Variants in ADGRB1 observed in about 807,000 individuals in gnomAD.
The protein encoded by ADGRB1 is brain-specific angiogenesis inhibitor 1.
Under a neutral mutation model 175.7 loss-of-function variants are expected in ADGRB1, and 36 were observed. The observed-to-expected ratio is 0.20, with a 90% CI of 0.16 to 0.27. The LOEUF (loss-of-function observed/expected upper bound fraction) is 0.27. ADGRB1 is among the 10% of genes least tolerant of loss of function. The probability of loss-of-function intolerance (pLI) is 1.00; values close to 1 mark genes in which losing one functional copy is unlikely to be tolerated. For missense variants in ADGRB1, 1,731 were observed against 2,255.3 expected (o/e 0.77, Z 4.71); for synonymous variants, 1,054 against 979.4 (o/e 1.08, Z -1.42).
intron 24 of ADGRB1, among the ~76,000 whole-genome samples, chr8:142,532,351 C>CT (rs1844671428): frequency 6.6e-6 from 1 of 152,208 alleles, no homozygotes; most frequent in African/African-American, 2.4e-5. Flanking sequence ...GGCTCAGAGG[C>CT]CACGCGCGGA....
rs753070384 is a variant in ADGRB1 at position 142,541,942 on chromosome 8, G to A, written c.3708G>A (p.Val1236=). The A allele has an allele frequency of 6.5e-7, 1 of 1,547,260 alleles. No individual in the cohort carries two copies. The highest frequency in any genetic ancestry group is 1.2e-5 in the South Asian group (1 of 84,504). Residue 1236 remains valine (V), a splice_region_variant and synonymous_variant, in exon 28 of 31, where the codon GTG becomes GTA. Coordinates refer to ENST00000517894, the MANE Select transcript of ADGRB1 (RefSeq NM_001702.3). ...CTGTCTCCCCCGCGGCCCCTGCAGT[G>A]CTGAACAAGGACATCGCGGCCTGCC... ...EKDVDLACRS[V]LNKDIAACRT...
chr8:142,515,721 G>T (rs892715910), intron 18 of ADGRB1, among the ~76,000 whole-genome samples: 1 of 152,068 alleles, frequency 6.6e-6, no homozygotes, highest in Admixed American at 6.5e-5. Context: ...GATGAGCCAG[G>T]CTGGGAGGGA....
chr8:142,471,053 C>T (rs567831827), intron 2 of ADGRB1, among the ~76,000 whole-genome samples: 1 of 152,182 alleles, frequency 6.6e-6, no homozygotes, highest in South Asian at 2.1e-4. Context: ...TGACAGGGAG[C>T]ACCGAGGGGC....
intron 1 of ADGRB1, among the ~76,000 whole-genome samples, chr8:142,460,443 C>T (rs1263011230): frequency 1.3e-5 from 2 of 152,206 alleles, no homozygotes; most frequent in African/African-American, 4.8e-5. Context: ...GCCAATATGG[C>T]CTCTCCCAAG....
chr8:142,456,331 A>G (rs1374180623), intron 1 of ADGRB1, among the ~76,000 whole-genome samples: 1 of 152,124 alleles, frequency 6.6e-6, no homozygotes, highest in African/African-American at 2.4e-5. Flanking sequence ...ACTTGCTCAC[A>G]TACACCTGCA....
intron 30 of ADGRB1, 68 bp from the exon 31 acceptor site, chr8:142,544,152 C>G (rs1447076585): frequency 3.3e-6 from 5 of 1,503,560 alleles, no homozygotes; most frequent in African/African-American, 1.4e-5. Context: ...GCCTCCTCCC[C>G]CCTACTCCTC....
At chr8:142,484,808 A>G (rs769269031) in intron 13 of ADGRB1, 44 bp downstream of exon 13, 1 of 1,447,910 alleles carries the variant, frequency 6.9e-7, no homozygotes, top group Admixed American at 1.9e-5. Context: ...CTTGCTTTGC[A>G]GCCCTGGGCC....
chr8:142,519,830 TGTGATGGTGGTA>T (rs1843668877), intron 19 of ADGRB1, among the ~76,000 whole-genome samples: 1 of 128,484 alleles, frequency 7.8e-6, no homozygotes, highest in Admixed American at 7.7e-5. Flanking sequence ...TGCTGGTGAT[TGTGATGGTGGTA>T]GTGATGGTAA....
intron 2 of ADGRB1, among the ~76,000 whole-genome samples, chr8:142,472,173 G>C (rs959921315): frequency 2.6e-5 from 4 of 152,174 alleles, no homozygotes; most frequent in Non-Finnish European, 4.4e-5. Flanking sequence ...GACGCCCCCT[G>C]TGCTCCCCCG....
chr8:142,516,539 CTGTGTGGGCCCCAGGTGCATGTGTGTG>C (rs2132082282), intron 18 of ADGRB1, among the ~76,000 whole-genome samples: 1 of 96,334 alleles, frequency 1.0e-5, no homozygotes, highest in South Asian at 3.7e-4. Flanking sequence ...GTGCGTGCAT[CTGTGTGGGCCCCAGGTGCATGTGTGTG>C]TGTGTGGGCC....
Position 142,533,523 on chromosome 8 carries a change from TG to T in ADGRB1, c.3570+59del, listed in dbSNP as rs1372394893. ...CCTGCGGGGTCCTGGGGCTGCCGAG[TG>T]GCCTCCTCCTTCCCCGAGGACCTCG... On this transcript the variant is annotated intron_variant, in intron 25 of 30. Transcript: ENST00000517894. The T allele has an allele frequency of 1.4e-5, 21 of 1,512,036 alleles. No individual in the cohort carries two copies. In the African/African-American group the frequency reaches 2.9e-4, roughly 21 times the overall value. 93.7% of individuals were successfully genotyped at this position (1,512,036 alleles called of 1,614,324 possible). A position where few individuals can be genotyped will look rare whatever the true frequency, so the allele number is the denominator to read the frequency against.
chr8:142,492,294 C>T lies in ADGRB1; in HGVS notation c.2675+1479C>T, dbSNP rs1459265902. 6.6e-6 allele frequency among the ~76,000 whole-genome samples: 1 copy of T among 152,202 alleles called. No individual in the cohort carries two copies. Among genetic ancestry groups the T allele is most frequent in the Non-Finnish European group, 1.5e-5 (1 of 68,044 alleles). ...ACCACCCTTCCTCCGGCGGTCACTACCCTCTGATGGGCACTATTCTGGCAG... is the reference window on the plus strand; with the variant it reads ...ACCACCCTTCCTCCGGCGGTCACTATCCTCTGATGGGCACTATTCTGGCAG... On this transcript the variant is annotated intron_variant, in intron 17 of 30. Coordinates refer to ENST00000517894, the MANE Select transcript of ADGRB1 (RefSeq NM_001702.3). The surrounding 1 kb of genome is among the most constrained non-coding windows in gnomAD (Gnocchi z 4.4).
intron 1 of ADGRB1, among the ~76,000 whole-genome samples, 189 bp from the exon 2 acceptor site, chr8:142,463,791 T>G (rs1354742367): frequency 6.6e-6 from 1 of 152,226 alleles, no homozygotes; most frequent in African/African-American, 2.4e-5. Flanking sequence ...GTCACATTGG[T>G]GAGTGGCAGA....
At chr8:142,532,483 G>A (rs577688789) in intron 24 of ADGRB1, among the ~76,000 whole-genome samples, 60 of 152,244 alleles carry the variant, frequency 3.9e-4, no homozygotes, top group African/African-American at 1.3e-3. Flanking sequence ...GGCACTGAGC[G>A]GCAGAGGCAG....
chr8:142,477,556 G>A lies in ADGRB1; in HGVS notation c.1387+7G>A, dbSNP rs1236903783. ...AACATTGCCCTGTGCCCTGGTAGGT[G>A]AGAGGGAGGGCGTAGGGGCAGGGAG... On this transcript the variant is annotated splice_region_variant and intron_variant, in intron 6 of 30. Transcript: ENST00000517894. The A allele has an allele frequency of 3.1e-6, 5 of 1,609,822 alleles. No homozygotes were observed. The highest frequency in any genetic ancestry group is 1.3e-5 in the African/African-American group (1 of 74,908).
intron 19 of ADGRB1, 55 bp from the exon 20 acceptor site, chr8:142,520,768 C>G (rs1039157333): frequency 2.7e-6 from 4 of 1,498,770 alleles, no homozygotes; most frequent in African/African-American, 1.4e-5. Flanking sequence ...ACCACAGCCC[C>G]TGTGCAGATG....
Position 142,489,329 on chromosome 8 carries a change from C to T in ADGRB1, c.2529-7C>T. Reference sequence around the variant, plus strand: ...TCCCCCGACACCTGTGCCTCTGGCTCTTGCAGGAACACGACCGTCCTGAAT... The same window carrying T: ...TCCCCCGACACCTGTGCCTCTGGCTTTTGCAGGAACACGACCGTCCTGAAT... On this transcript the variant is annotated splice_region_variant and splice_polypyrimidine_tract_variant and intron_variant, in intron 15 of 30. Coordinates refer to ENST00000517894, the MANE Select transcript of ADGRB1 (RefSeq NM_001702.3). The T allele has an allele frequency of 6.2e-7, 1 of 1,612,692 alleles. No individual in the cohort carries two copies. Among genetic ancestry groups the T allele is most frequent in the Non-Finnish European group, 8.5e-7 (1 of 1,179,752 alleles).
chr8:142,494,052 G>C (rs1347139238), intron 17 of ADGRB1, among the ~76,000 whole-genome samples: 1 of 152,176 alleles, frequency 6.6e-6, no homozygotes, highest in African/African-American at 2.4e-5. Context: ...TCATGCGTCT[G>C]GGGAGGGGTT....
chr8:142,520,951 C>A, intron 20 of ADGRB1, 26 bp downstream of exon 20: 9 of 1,583,826 alleles, frequency 5.7e-6, no homozygotes, highest in Non-Finnish European at 6.9e-6. Context: ...TCCTGCCATG[C>A]ACTTCCCAAC....
Sources: gnomAD v4.1 joint callset for allele counts (sites outside exome capture counted in the v4.1 genomes callset) on GRCh38, gnomAD v4.1.1 for gene constraint, Gnocchi (gnomAD v3.1) non-coding constraint, MANE v1.5 for transcripts, NCBI Gene and HGNC (gene_info 2026-07-23, HGNC 2026-07-21) for gene names.